The following SV2C variants were observed in gnomAD, a reference collection of about 807,000 sequenced individuals.
SV2C encodes the protein synaptic vesicle glycoprotein 2C.
SV2C carries 49 observed loss-of-function variants against 79.7 expected under a neutral mutation model. The observed-to-expected ratio is 0.61, with a 90% CI of 0.49 to 0.78. The LOEUF is 0.78. Among genes scored for constraint, SV2C ranks in the 30% least tolerant of loss-of-function variants. SV2C has a pLI of 0.00. For missense variants in SV2C, 833 were observed against 912.9 expected (o/e 0.91, Z 1.13); for synonymous variants, 334 against 333.2 (o/e 1.00, Z -0.03).
At chr5:75,894,419 C>T in the SV2C span, among the ~76,000 whole-genome samples, 2 of 152,050 alleles carry the variant, frequency 1.3e-5, no homozygotes, top group African/African-American at 4.8e-5. Context: ...CCTGTTCTCT[C>T]TAGCTCTGTG....
intron 4 of SV2C, among the ~76,000 whole-genome samples, chr5:76,269,846 G>A (rs1746785087): frequency 6.6e-6 from 1 of 152,150 alleles, no homozygotes; most frequent in South Asian, 2.1e-4. Flanking sequence ...TGCTGCATTA[G>A]TCCCAGACTC....
intron 4 of SV2C, among the ~76,000 whole-genome samples, chr5:76,256,921 C>T (rs1746285730): frequency 6.6e-6 from 1 of 152,194 alleles, no homozygotes; most frequent in Admixed American, 6.5e-5. Flanking sequence ...TCTAAAATTG[C>T]ATTTGAACTT....
the SV2C span, among the ~76,000 whole-genome samples, chr5:76,027,061 T>TC: frequency 8.0e-6 from 1 of 124,704 alleles, no homozygotes; most frequent in African/African-American, 4.2e-5. Context: ...TCAGTTGTCT[T>TC]TTTTTTTTTT....
intron 3 of SV2C, among the ~76,000 whole-genome samples, chr5:76,208,405 A>G (rs962117593): frequency 1.3e-5 from 2 of 152,210 alleles, no homozygotes; most frequent in African/African-American, 2.4e-5. Flanking sequence ...TGGTCTTCCC[A>G]TGTCCACTGA....
chr5:75,927,126 T>G, the SV2C span, among the ~76,000 whole-genome samples: 3,355 of 152,186 alleles, frequency 0.022, 111 homozygotes, highest in African/African-American at 0.073. Flanking sequence ...ATTTTCCTGT[T>G]GGAGAGGAGC....
chr5:76,009,033 G>A, the SV2C span, among the ~76,000 whole-genome samples: 1 of 152,050 alleles, frequency 6.6e-6, no homozygotes, highest in Non-Finnish European at 1.5e-5. Context: ...CTCAAATGTT[G>A]CCTGCTCAGT....
chr5:75,939,849 T>TAGAACCTCTCTCCTCCCC, the SV2C span, among the ~76,000 whole-genome samples: 10 of 152,154 alleles, frequency 6.6e-5, no homozygotes, highest in African/African-American at 2.4e-4. Context: ...TCCTTCTACC[T>TAGAACCTCTCTCCTCCCC]AGAACCTCTC....
intron 12 of SV2C, among the ~76,000 whole-genome samples, chr5:76,314,494 C>T (rs1051035546): frequency 1.3e-5 from 2 of 152,172 alleles, no homozygotes; most frequent in East Asian, 1.9e-4. Context: ...CAGGTGCAGT[C>T]ACTGCCAGAA....
chr5:75,950,780 G>C, the SV2C span, among the ~76,000 whole-genome samples: 3 of 151,910 alleles, frequency 2.0e-5, no homozygotes, highest in Non-Finnish European at 4.4e-5. Flanking sequence ...AGTGGCTTGA[G>C]AGTTATTCCA....
intron 8 of SV2C, among the ~76,000 whole-genome samples, chr5:76,293,897 G>A (rs990183040): frequency 1.1e-4 from 16 of 152,196 alleles, no homozygotes; most frequent in African/African-American, 3.6e-4. Flanking sequence ...TAGGCAGCTA[G>A]TAAGCGACAA....
At position 76,325,795 on chromosome 5, in the gene SV2C, C is replaced by T. The variant is rs1202648615; in HGVS notation, c.*248C>T. 9.4e-6 allele frequency: 4 copies of T among 423,626 alleles called. No individual in the cohort carries two copies. Among genetic ancestry groups the T allele is most frequent in the Non-Finnish European group, 1.6e-5 (4 of 249,744 alleles). The allele number at this position is 423,626 out of a possible 1,614,324, so 26.2% of individuals were successfully genotyped here. A position where few individuals can be genotyped will look rare whatever the true frequency, so the allele number is the denominator to read the frequency against. ...CAAACTGTGATGCTACTGCCTCCCG[C>T]AAATCAGTGGAAGCATTTCTAAAAT... On this transcript the variant is annotated 3_prime_UTR_variant, in exon 13 of 13. Coordinates refer to ENST00000502798, the MANE Select transcript of SV2C (RefSeq NM_014979.4).
intron 4 of SV2C, among the ~76,000 whole-genome samples, chr5:76,266,555 C>T (rs1746662601): frequency 6.6e-6 from 1 of 152,178 alleles, no homozygotes; most frequent in Non-Finnish European, 1.5e-5. Flanking sequence ...ATAAGCCAGT[C>T]ACAAACAGAT....
At chr5:75,953,138 T>A in the SV2C span, among the ~76,000 whole-genome samples, 1 of 152,024 alleles carries the variant, frequency 6.6e-6, no homozygotes, top group Non-Finnish European at 1.5e-5. Context: ...AGCTGGCATG[T>A]ACAGACAGCA....
the SV2C span, among the ~76,000 whole-genome samples, chr5:76,049,103 C>T: frequency 1.3e-5 from 2 of 151,488 alleles, no homozygotes; most frequent in East Asian, 3.9e-4. Context: ...TTTGGGAGGC[C>T]GAGGTGGGTG....
chr5:75,939,944 C>T, the SV2C span, among the ~76,000 whole-genome samples: 8 of 152,228 alleles, frequency 5.3e-5, no homozygotes, highest in Non-Finnish European at 8.8e-5. Context: ...TTCCCTTGCC[C>T]CGCCTTCAGT....
chr5:76,007,630 A>C, the SV2C span, among the ~76,000 whole-genome samples: 2 of 152,146 alleles, frequency 1.3e-5, no homozygotes, highest in Admixed American at 1.3e-4. Flanking sequence ...AACTAGGAAT[A>C]TCTTCCCTTG....
At chr5:75,871,762 C>T in the SV2C span, among the ~76,000 whole-genome samples, 4 of 150,300 alleles carry the variant, frequency 2.7e-5, no homozygotes, top group African/African-American at 9.8e-5. Context: ...GAGCTGAGAT[C>T]GTGCCACTGC....
chr5:75,924,099 C>A, the SV2C span, among the ~76,000 whole-genome samples: 4 of 152,152 alleles, frequency 2.6e-5, no homozygotes, highest in Non-Finnish European at 4.4e-5. Flanking sequence ...AAAAGAATGT[C>A]TTTTGCAGCA....
the SV2C span, among the ~76,000 whole-genome samples, chr5:75,980,752 A>G: frequency 6.6e-6 from 1 of 152,194 alleles, no homozygotes; most frequent in South Asian, 2.1e-4. Context: ...CATAACCAAC[A>G]TCATACTGAA....
Sources: gnomAD v4.1 joint callset for allele counts (sites outside exome capture counted in the v4.1 genomes callset) on GRCh38, gnomAD v4.1.1 for gene constraint, MANE v1.5 for transcripts, NCBI Gene and HGNC (gene_info 2026-07-23, HGNC 2026-07-21) for gene names.